C12orf42: variants seen among roughly 807,000 people sequenced by gnomAD.
The protein encoded by C12orf42 is chromosome 12 open reading frame 42, also known as uncharacterized protein C12orf42.
C12orf42 carries 25 observed loss-of-function variants against 21.6 expected under a neutral mutation model. The ratio of observed to expected loss-of-function variants is 1.16; its 90% CI spans 0.84 to 1.62. The LOEUF is 1.62. Among genes scored for constraint, C12orf42 ranks in the 40% most tolerant of loss-of-function variants. The pLI, the probability that C12orf42 is intolerant of heterozygous loss-of-function variation, is 0.00. For missense variants in C12orf42, 483 were observed against 459.3 expected (o/e 1.05, Z -0.47); for synonymous variants, 174 against 175.0 (o/e 0.99, Z 0.05).
chr12:103,368,810 T>C (rs985809450), intron 4 of C12orf42, 77 bp downstream of exon 4: 1 of 729,850 alleles, frequency 1.4e-6, no homozygotes, highest in African/African-American at 1.8e-5. Flanking sequence ...CAATACAATC[T>C]TTATGATTAT....
the C12orf42 span, among the ~76,000 whole-genome samples, chr12:103,543,150 C>A: frequency 6.6e-6 from 1 of 152,136 alleles, no homozygotes; most frequent in Non-Finnish European, 1.5e-5. Context: ...TGAGGAGCTC[C>A]TAGAGGTGGC....
intron 4 of C12orf42, among the ~76,000 whole-genome samples, chr12:103,337,483 T>C (rs538466279): frequency 6.6e-6 from 1 of 152,254 alleles, no homozygotes; most frequent in South Asian, 2.1e-4. Context: ...CCCAAGTAGC[T>C]AGGACTACAG....
chr12:103,495,469 CGAGCCGGCCGGGTGGGGAGGGCGGCGGT>C (rs1305969613), intron 1 of C12orf42, among the ~76,000 whole-genome samples: 1 of 150,924 alleles, frequency 6.6e-6, no homozygotes, highest in Non-Finnish European at 1.5e-5. Context: ...CGGGCGGCGG[CGAGCCGGCCGGGTGGGGAGGGCGGCGGT>C]GGCATCGCTG....
the C12orf42 span, among the ~76,000 whole-genome samples, chr12:103,090,447 G>A: frequency 6.6e-6 from 1 of 152,096 alleles, no homozygotes; most frequent in African/African-American, 2.4e-5. Context: ...GTAACTTTGG[G>A]TAAAATGTTT....
chr12:103,145,762 A>G, the C12orf42 span, among the ~76,000 whole-genome samples: 22,670 of 152,182 alleles, frequency 0.15, 2,084 homozygotes, highest in African/African-American at 0.25. Context: ...AAACTATGGT[A>G]CATCAAAATG....
intron 2 of C12orf42, among the ~76,000 whole-genome samples, chr12:103,407,576 A>G (rs1246863781): frequency 6.6e-6 from 1 of 152,232 alleles, no homozygotes; most frequent in Non-Finnish European, 1.5e-5. Flanking sequence ...TACAGTATAT[A>G]ATACACGTAA....
chr12:103,395,809 T>C (rs1288535954), intron 3 of C12orf42, among the ~76,000 whole-genome samples: 1 of 151,450 alleles, frequency 6.6e-6, no homozygotes, highest in African/African-American at 2.4e-5. Context: ...TTTTATGCCA[T>C]ATACATTATA....
At chr12:103,406,497 C>T (rs1283448928) in intron 2 of C12orf42, among the ~76,000 whole-genome samples, 2 of 152,194 alleles carry the variant, frequency 1.3e-5, no homozygotes, top group African/African-American at 4.8e-5. Flanking sequence ...CTGGTCACCA[C>T]TGTTTCTAAT....
chr12:103,481,671 G>A lies in C12orf42; in HGVS notation c.-21-3224C>T, dbSNP rs569564617. Among the ~76,000 whole-genome samples the A allele has an allele frequency of 6.6e-5, 10 of 150,464 alleles. No homozygotes were observed. The South Asian group carries it at 1.3e-3, about 19-fold the overall frequency. On this transcript the variant is annotated intron_variant, in intron 1 of 5. Coordinates refer to ENST00000548883, the MANE Select transcript of C12orf42 (RefSeq NM_198521.5). ...CGAGTTACTTTAAAAAAAAAATACC[G>A]TCTGACAACCTTAACTAAGAAGTTT...
the C12orf42 span, among the ~76,000 whole-genome samples, chr12:103,535,687 G>A: frequency 6.6e-6 from 1 of 152,166 alleles, no homozygotes; most frequent in Admixed American, 6.5e-5. Flanking sequence ...GATGCTATAT[G>A]AAGCCATAAA....
chr12:103,150,583 A>G, the C12orf42 span, among the ~76,000 whole-genome samples: 2 of 152,206 alleles, frequency 1.3e-5, no homozygotes, highest in East Asian at 3.8e-4. Context: ...AAACTGAGGC[A>G]GAGTGAAGCA....
intron 2 of C12orf42, among the ~76,000 whole-genome samples, chr12:103,443,635 G>A (rs576749560): frequency 6.6e-6 from 1 of 152,104 alleles, no homozygotes; most frequent in Admixed American, 6.6e-5. Context: ...AAAATTCTCT[G>A]CAGGTCAAAC....
chr12:103,059,059 A>G, the C12orf42 span, among the ~76,000 whole-genome samples: 6 of 152,178 alleles, frequency 3.9e-5, no homozygotes, highest in Non-Finnish European at 7.3e-5. Context: ...GAAAAAATTA[A>G]CAAAGTAGAT....
At chr12:103,299,168 T>C (rs558194121), downstream of C12orf42, among the ~76,000 whole-genome samples, 58 of 152,120 alleles carry the variant, frequency 3.8e-4, no homozygotes, top group Non-Finnish European at 7.8e-4. Context: ...AAATAACATA[T>C]TATACAGTTT....
chr12:103,557,433 C>A, the C12orf42 span: 2 of 152,126 alleles, frequency 1.3e-5, no homozygotes, highest in Non-Finnish European at 2.9e-5. Flanking sequence ...CAGGCCACAC[C>A]ATACGGGACT....
At chr12:103,062,950 C>T in the C12orf42 span, among the ~76,000 whole-genome samples, 2 of 152,010 alleles carry the variant, frequency 1.3e-5, no homozygotes, top group African/African-American at 4.8e-5. Flanking sequence ...TATGATTAGA[C>T]CGAAAAATGC....
intron 10 of C12orf42, among the ~76,000 whole-genome samples, chr12:103,256,473 G>A (rs2034623886): frequency 6.7e-6 from 1 of 150,028 alleles, no homozygotes; most frequent in African/African-American, 2.5e-5. Context: ...CTGTGAAGGA[G>A]AAAGTAGAGG....
At chr12:103,195,651 C>G in the C12orf42 span, among the ~76,000 whole-genome samples, 1 of 151,712 alleles carries the variant, frequency 6.6e-6, no homozygotes, top group African/African-American at 2.4e-5. Flanking sequence ...GTTTTTTGCT[C>G]ATTAATATTT....
chr12:103,539,165 A>G, the C12orf42 span, among the ~76,000 whole-genome samples: 1 of 152,224 alleles, frequency 6.6e-6, no homozygotes, highest in South Asian at 2.1e-4. Flanking sequence ...GTTTACCATG[A>G]TGTAATAAAC....
Sources: allele counts gnomAD v4.1 joint callset (sites outside exome capture counted in the v4.1 genomes callset), GRCh38; gene constraint gnomAD v4.1.1; transcripts MANE v1.5; gene names NCBI Gene and HGNC (gene_info 2026-07-23, HGNC 2026-07-21).